The following TENT4A variants were observed in gnomAD, a reference collection of about 807,000 sequenced individuals.
TENT4A encodes the protein DNA polymerase kappa.
TENT4A carries 7 observed loss-of-function variants against 72.8 expected under a neutral mutation model. The ratio of observed to expected loss-of-function variants is 0.10; its 90% confidence interval spans 0.05 to 0.18. The LOEUF (loss-of-function observed/expected upper bound fraction) is 0.18. Among genes scored for constraint, TENT4A ranks in the 10% least tolerant of loss-of-function variants. TENT4A has a pLI of 1.00. For missense variants in TENT4A, 831 were observed against 1,017.7 expected (o/e 0.82, Z 2.50); for synonymous variants, 456 against 434.3 (o/e 1.05, Z -0.62).
chr5:6,737,374 T>A (rs1741560951), intron 1 of TENT4A, 136 bp from the exon 2 acceptor site: 4 of 759,286 alleles, frequency 5.3e-6, no homozygotes, highest in South Asian at 1.8e-5. Flanking sequence ...GTTTTCATTT[T>A]ATACTTTCAG....
intron 1 of TENT4A, among the ~76,000 whole-genome samples, chr5:6,735,312 G>T (rs1202621582): frequency 6.6e-6 from 1 of 152,194 alleles, no homozygotes; most frequent in African/African-American, 2.4e-5. Flanking sequence ...GGTGCAGTAG[G>T]CCACATGGTG....
chr5:6,733,531 C>T (rs550607305), intron 1 of TENT4A, among the ~76,000 whole-genome samples: 39 of 152,370 alleles, frequency 2.6e-4, no homozygotes, highest in Non-Finnish European at 5.0e-4. Flanking sequence ...TGAAATTGAG[C>T]TTTAAAAGAT....
At chr5:6,742,029 A>G (rs1177291903) in intron 4 of TENT4A, among the ~76,000 whole-genome samples, 1 of 152,236 alleles carries the variant, frequency 6.6e-6, no homozygotes, top group Non-Finnish European at 1.5e-5. Context: ...TTTTTTTAGT[A>G]AAGTTGTCTT....
intron 1 of TENT4A, among the ~76,000 whole-genome samples, chr5:6,725,509 A>G (rs2126607585): frequency 6.6e-6 from 1 of 152,318 alleles, no homozygotes; most frequent in Non-Finnish European, 1.5e-5. Context: ...TCAACCAAAC[A>G]GGAGGACCTG....
Position 6,713,908 on chromosome 5 carries a change from C to G in TENT4A, c.-76C>G. 1.8e-6 allele frequency: 1 copy of G among 547,706 alleles called. No individual in the cohort carries two copies. The allele number at this position is 547,706 out of a possible 1,614,324, so 33.9% of individuals were successfully genotyped here. A position where few individuals can be genotyped will look rare whatever the true frequency, so the allele number is the denominator to read the frequency against. On this transcript the variant is annotated 5_prime_UTR_variant, in exon 1 of 13. Coordinates refer to ENST00000230859, the MANE Select transcript of TENT4A (RefSeq NM_006999.6). ...GTCCGTCCGTCCGTGCGCGCGCGGC[C>G]GGGCCTCGGGGCGCGGCGGGGGCGG...
At chr5:6,740,677 A>G (rs537766318) in intron 4 of TENT4A, among the ~76,000 whole-genome samples, 97 of 152,324 alleles carry the variant, frequency 6.4e-4, no homozygotes, top group African/African-American at 2.2e-3. Flanking sequence ...CACATGTACC[A>G]GGTGCACCTC....
chr5:6,751,499 C>A, intron 11 of TENT4A: 1 of 325,604 alleles, frequency 3.1e-6, no homozygotes, highest in Non-Finnish European at 5.7e-6. Flanking sequence ...TGTCGAGGGT[C>A]ATCTTGAGAG....
At chr5:6,723,430 G>A (rs753498715) in intron 1 of TENT4A, among the ~76,000 whole-genome samples, 1 of 135,142 alleles carries the variant, frequency 7.4e-6, no homozygotes, top group African/African-American at 3.1e-5. Context: ...TTAGCTCTCT[G>A]CACGAGTTTG....
intron 1 of TENT4A, among the ~76,000 whole-genome samples, chr5:6,726,438 C>G (rs528904611): frequency 3.3e-5 from 5 of 152,124 alleles, no homozygotes; most frequent in Admixed American, 3.3e-4. Flanking sequence ...GGCGACGCCC[C>G]CTGCGTTGCC....
intron 2 of TENT4A, among the ~76,000 whole-genome samples, chr5:6,737,909 G>GTTT (rs374682397): frequency 0.24 from 30,759 of 128,624 alleles, 3,683 homozygotes; most frequent in East Asian, 0.36. Context: ...GATTTGTTGG[G>GTTT]TTTTTTTTTT....
chr5:6,743,915 G>A, intron 6 of TENT4A, 75 bp downstream of exon 6: 1 of 1,350,710 alleles, frequency 7.4e-7, no homozygotes, highest in Non-Finnish European at 1.0e-6. Context: ...TTGCCTAGTG[G>A]GTTCCAGCAG....
At position 6,737,782 on chromosome 5, in the gene TENT4A, C is replaced by T. The variant is rs867711160; in HGVS notation, c.840+149C>T. ...TCCAAGTGTGCTTTGAGAAGGCCTC[C>T]GTTGCCTGGAATGCATGGCCCCCGG... On this transcript the variant is annotated intron_variant, in intron 2 of 12. Coordinates refer to ENST00000230859, the MANE Select transcript of TENT4A (RefSeq NM_006999.6). The T allele has an allele frequency of 7.3e-5, 62 of 849,468 alleles. No homozygotes were observed. In the Middle Eastern group the frequency reaches 5.0e-3, roughly 69 times the overall value. 52.6% of individuals were successfully genotyped at this position (849,468 alleles called of 1,614,324 possible). A position where few individuals can be genotyped will look rare whatever the true frequency, so the allele number is the denominator to read the frequency against.
At chr5:6,729,609 C>T (rs752203729) in intron 1 of TENT4A, among the ~76,000 whole-genome samples, 3 of 152,274 alleles carry the variant, frequency 2.0e-5, no homozygotes, top group Non-Finnish European at 4.4e-5. Flanking sequence ...GCTGTGGCTG[C>T]ACTGCCAGGC....
At chr5:6,746,534 C>T in intron 7 of TENT4A, 107 bp downstream of exon 7, 3 of 933,264 alleles carry the variant, frequency 3.2e-6, no homozygotes, top group Non-Finnish European at 5.0e-6. Context: ...TTCATTTGCT[C>T]TTGATGCAGG....
At chr5:6,734,462 G>A (rs981823732) in intron 1 of TENT4A, among the ~76,000 whole-genome samples, 55 of 152,338 alleles carry the variant, frequency 3.6e-4, no homozygotes, top group African/African-American at 1.0e-3. Context: ...GGAGTCGTGC[G>A]GCACCTTGCT....
intron 1 of TENT4A, among the ~76,000 whole-genome samples, chr5:6,731,249 A>G (rs1375166494): frequency 3.9e-5 from 6 of 152,218 alleles, no homozygotes; most frequent in African/African-American, 9.6e-5. Flanking sequence ...GAGGAGAGGA[A>G]GAGAATAAAT....
At position 6,748,599 on chromosome 5, in the gene TENT4A, T is replaced by C. The variant is rs553226755; in HGVS notation, c.1586+9T>C. ...AACAGAGACGCCGAAAGGTAATGGGTTGTGTGTCTGCGTCTGGGCTCAGCG... is the reference window on the plus strand; with the variant it reads ...AACAGAGACGCCGAAAGGTAATGGGCTGTGTGTCTGCGTCTGGGCTCAGCG... On this transcript the variant is annotated intron_variant, in intron 8 of 12. Transcript: ENST00000230859. The C allele has an allele frequency of 3.7e-5, 60 of 1,607,220 alleles. No homozygotes were observed. The African/African-American group carries it at 6.0e-4, about 16-fold the overall frequency.
In TENT4A at chr5:6,756,499, C is replaced by T. The variant is rs1007560315; in HGVS notation, c.*1554C>T. 1.4e-4 allele frequency: 21 copies of T among 152,266 alleles called. No homozygotes were observed. The highest frequency in any genetic ancestry group is 4.8e-4 in the African/African-American group (20 of 41,408). The allele number at this position is 152,266 out of a possible 1,614,324, so 9.4% of individuals were successfully genotyped here. On this transcript the variant is annotated 3_prime_UTR_variant, in exon 13 of 13. Coordinates refer to ENST00000230859, the MANE Select transcript of TENT4A (RefSeq NM_006999.6). Reference sequence around the variant, plus strand: ...ATTGATCTCTGAATGTGATCGACGCCCAGCAAGGACAAGCTTTAAAATGTC... The same window carrying T: ...ATTGATCTCTGAATGTGATCGACGCTCAGCAAGGACAAGCTTTAAAATGTC...
At chr5:6,753,647 C>T (rs372877967) in intron 12 of TENT4A, among the ~76,000 whole-genome samples, 2 of 152,226 alleles carry the variant, frequency 1.3e-5, no homozygotes, top group African/African-American at 4.8e-5. Context: ...CAGGTCAGCC[C>T]CCGTCGTGTG....
Sources: allele counts gnomAD v4.1 joint callset (sites outside exome capture counted in the v4.1 genomes callset), GRCh38; gene constraint gnomAD v4.1.1; transcripts MANE v1.5; gene names NCBI Gene and HGNC (gene_info 2026-07-23, HGNC 2026-07-21).